Variants in ALOX5 observed in about 807,000 individuals in gnomAD.
ALOX5 encodes the protein polyunsaturated fatty acid 5-lipoxygenase.
In ALOX5, 64 loss-of-function variants were observed where a neutral mutation model predicts 87.9. The observed-to-expected ratio is 0.73, with a 90% CI of 0.60 to 0.90. ALOX5 has a LOEUF of 0.90. Ranked by LOEUF, ALOX5 falls within the 40% of genes least tolerant of loss-of-function variation. The probability of loss-of-function intolerance (pLI) is 0.00; values close to 1 mark genes in which losing one functional copy is unlikely to be tolerated. For synonymous variants in ALOX5, 388 were observed against 355.1 expected, an observed-to-expected ratio of 1.09 and a Z score of -1.04; for missense variants, 822 against 907.5, an observed-to-expected ratio of 0.91 and a Z score of 1.21.
At chr10:45,391,010 T>G (rs200095314) in intron 2 of ALOX5, among the ~76,000 whole-genome samples, 1 of 29,374 alleles carries the variant, frequency 3.4e-5, no homozygotes, top group Admixed American at 4.1e-4. Context: ...CTCCCCTCTC[T>G]CCTCTCCCAT....
intron 3 of ALOX5, among the ~76,000 whole-genome samples, chr10:45,398,983 A>T (rs545390168): frequency 6.6e-6 from 1 of 152,370 alleles, no homozygotes; most frequent in East Asian, 1.9e-4. Flanking sequence ...ATGGAAACAT[A>T]TGCCCACACA....
intron 4 of ALOX5, among the ~76,000 whole-genome samples, chr10:45,412,654 C>T (rs1437064885): frequency 6.6e-6 from 1 of 152,170 alleles, no homozygotes; most frequent in Non-Finnish European, 1.5e-5. Context: ...CAGGCTGTCA[C>T]CAAGATGGCA....
At chr10:45,375,343 A>T (rs1471613795) in intron 1 of ALOX5, among the ~76,000 whole-genome samples, 1 of 152,086 alleles carries the variant, frequency 6.6e-6, no homozygotes, top group Non-Finnish European at 1.5e-5. Context: ...CGCAGTTCTC[A>T]CTGAGCCTTT....
chr10:45,413,656 CCT>C (rs1270443395), intron 4 of ALOX5, among the ~76,000 whole-genome samples: 2 of 151,946 alleles, frequency 1.3e-5, no homozygotes, highest in African/African-American at 4.8e-5. Flanking sequence ...TCAAATTGTC[CCT>C]GTTTGTAGAT....
At position 45,424,934 on chromosome 10, in the gene ALOX5, G is replaced by A. The variant is rs868088107; in HGVS notation, c.662-26G>A. On this transcript the variant is annotated intron_variant, in intron 5 of 13. Transcript: ENST00000374391. ...TGGCTGCCCTCTACTCAGAGCTCAG[G>A]GTGGGCCTCGCTTTTCTCCTGGTAG... 40 of 1,613,310 alleles carry A rather than the reference G, an allele frequency of 2.5e-5. 1 individual carries two copies. The Middle Eastern group carries it at 4.8e-3, about 193-fold the overall frequency.
intron 3 of ALOX5, among the ~76,000 whole-genome samples, chr10:45,403,409 C>A (rs1840770054): frequency 6.6e-6 from 1 of 152,074 alleles, no homozygotes. Flanking sequence ...CATAGCGGAA[C>A]CTTAAACAAT....
chr10:45,409,270 C>T (rs1840980777), intron 3 of ALOX5, among the ~76,000 whole-genome samples: 1 of 152,206 alleles, frequency 6.6e-6, no homozygotes, highest in Non-Finnish European at 1.5e-5. Flanking sequence ...TCACTCGGAG[C>T]CTGCTCTGGT....
chr10:45,427,238 A>G (rs1026342997), intron 6 of ALOX5, among the ~76,000 whole-genome samples: 1 of 152,198 alleles, frequency 6.6e-6, no homozygotes, highest in African/African-American at 2.4e-5. Context: ...ATTAGCAGCC[A>G]TTCCTTCTGG....
intron 2 of ALOX5, among the ~76,000 whole-genome samples, chr10:45,391,750 C>G (rs1321137173): frequency 6.6e-6 from 1 of 151,880 alleles, no homozygotes. Flanking sequence ...CCCCACCACC[C>G]TGTCTGGGAG....
At chr10:45,382,455 T>C (rs372300100) in intron 1 of ALOX5, 28 bp from the exon 2 acceptor site, 2 of 1,613,306 alleles carry the variant, frequency 1.2e-6, no homozygotes, top group Non-Finnish European at 1.7e-6. Flanking sequence ...AGACCACGCA[T>C]GGCCTGATTG....
chr10:45,409,660 T>C (rs1419150480), intron 3 of ALOX5, among the ~76,000 whole-genome samples: 1 of 152,086 alleles, frequency 6.6e-6, no homozygotes, highest in Admixed American at 6.5e-5. Flanking sequence ...ATAAATTAAA[T>C]GCCTTTCTAC....
intron 3 of ALOX5, among the ~76,000 whole-genome samples, chr10:45,406,560 A>C (rs1226775265): frequency 6.6e-6 from 1 of 152,130 alleles, no homozygotes; most frequent in African/African-American, 2.4e-5. Flanking sequence ...ACTTCCATAG[A>C]ATTTCTAGTT....
chr10:45,436,011 C>CT (rs1157104359), intron 7 of ALOX5, among the ~76,000 whole-genome samples: 1 of 152,204 alleles, frequency 6.6e-6, no homozygotes, highest in Non-Finnish European at 1.5e-5. Context: ...TTGCATTTCT[C>CT]TGATGATTAG....
At chr10:45,427,167 C>T (rs576839333) in intron 6 of ALOX5, among the ~76,000 whole-genome samples, 1 of 152,338 alleles carries the variant, frequency 6.6e-6, no homozygotes, top group African/African-American at 2.4e-5. Context: ...GCATTGGCCC[C>T]AAATCTCAGG....
At chr10:45,443,365 G>A (rs755270606) in intron 10 of ALOX5, 51 bp from the exon 11 acceptor site, 6 of 1,594,576 alleles carry the variant, frequency 3.8e-6, no homozygotes, top group Non-Finnish European at 5.1e-6. Flanking sequence ...GCCGGGCACC[G>A]CTCCGCAGAC....
At chr10:45,386,621 TAA>T (rs1298033964) in intron 2 of ALOX5, among the ~76,000 whole-genome samples, 1 of 152,072 alleles carries the variant, frequency 6.6e-6, no homozygotes, top group Non-Finnish European at 1.5e-5. Flanking sequence ...TTTGGGTTTT[TAA>T]AATTTCATTT....
chr10:45,391,040 A>ATCTCCCC (rs1253000846), intron 2 of ALOX5, among the ~76,000 whole-genome samples: 1 of 14,030 alleles, frequency 7.1e-5, no homozygotes, highest in Non-Finnish European at 1.3e-4. Context: ...CCCCTCTCCC[A>ATCTCCCC]TCTCCCCTCT....
intron 1 of ALOX5, among the ~76,000 whole-genome samples, chr10:45,375,423 A>G (rs781440716): frequency 2.0e-4 from 31 of 152,212 alleles, no homozygotes; most frequent in Admixed American, 1.8e-3. Flanking sequence ...AGTCCCAGAC[A>G]TACTGCAGGT....
At chr10:45,382,025 C>T (rs1839848077) in intron 1 of ALOX5, among the ~76,000 whole-genome samples, 1 of 152,224 alleles carries the variant, frequency 6.6e-6, no homozygotes, top group Non-Finnish European at 1.5e-5. Flanking sequence ...TTGTACGTGG[C>T]ATGGGAGCCC....
Sources: gnomAD v4.1 joint callset for allele counts (sites outside exome capture counted in the v4.1 genomes callset) on GRCh38, gnomAD v4.1.1 for gene constraint, MANE v1.5 for transcripts, NCBI Gene and HGNC (gene_info 2026-07-23, HGNC 2026-07-21) for gene names.